The following ZNF605 variants were observed in gnomAD, a reference collection of about 807,000 sequenced individuals.
ZNF605 encodes zinc finger protein 605.
Under a neutral mutation model 7.9 loss-of-function variants are expected in ZNF605, and 9 were observed. That is an observed-to-expected ratio of 1.14 (90% CI 0.68 to 1.98). ZNF605 has a LOEUF of 1.98. ZNF605 is among the 30% of genes most tolerant of loss of function. ZNF605 has a pLI of 0.00. For missense variants in ZNF605, 673 were observed against 762.4 expected, an observed-to-expected ratio of 0.88 and a Z score of 1.38; for synonymous variants, 255 against 260.1, an observed-to-expected ratio of 0.98 and a Z score of 0.19.
In ZNF605 at chr12:132,918,611, T is replaced by G. The variant is rs1952178048; in HGVS notation, c.*6762A>C. ...CTCTTTTTTTGAGACGGAGTCTCAC[T>G]CTGTTGCTCAGGCTGGAGTGCAGTG... On this transcript the variant is annotated 3_prime_UTR_variant, in exon 5 of 5. Transcript: ENST00000360187. 6.6e-6 allele frequency: 1 copy of G among 152,306 alleles called. No individual in the cohort carries two copies. Among genetic ancestry groups the G allele is most frequent in the Non-Finnish European group, 1.5e-5 (1 of 68,100 alleles). The allele number at this position is 152,306 out of a possible 1,614,324, so 9.4% of individuals were successfully genotyped here.
At chr12:132,951,134 A>T (rs999160496) in intron 1 of ZNF605, among the ~76,000 whole-genome samples, 5 of 151,448 alleles carry the variant, frequency 3.3e-5, no homozygotes, top group African/African-American at 4.9e-5. Context: ...ACACAAGTAC[A>T]TCACGCATAC....
chr12:132,932,753 T>G (rs1464235792), intron 4 of ZNF605: 1 of 1,536,590 alleles, frequency 6.5e-7, no homozygotes, highest in East Asian at 2.4e-5. Flanking sequence ...CTATTATCCA[T>G]GGATCTTGTT....
At chr12:132,951,784 T>A (rs1952572764) in intron 1 of ZNF605, among the ~76,000 whole-genome samples, 1 of 151,572 alleles carries the variant, frequency 6.6e-6, no homozygotes, top group Admixed American at 6.6e-5. Flanking sequence ...ACACACACAT[T>A]GATACACATG....
chr12:132,956,028 G>A (rs1334083081), intron 1 of ZNF605, among the ~76,000 whole-genome samples: 3 of 11,024 alleles, frequency 2.7e-4, no homozygotes, highest in African/African-American at 1.1e-3. Context: ...TCCCACCCCC[G>A]CGCGCCCCCA....
chr12:132,951,077 A>G (rs1237982386), intron 1 of ZNF605, among the ~76,000 whole-genome samples: 1 of 151,904 alleles, frequency 6.6e-6, no homozygotes, highest in African/African-American at 2.4e-5. Flanking sequence ...ATGTACACAC[A>G]CTGATACGTA....
At position 132,925,429 on chromosome 12, in the gene ZNF605, T is replaced by C; in HGVS notation, c.1870A>G (p.Thr624Ala). ...DKYYGCNECGTTFNRKSQLMI... is the reference protein window; with the variant it reads ...DKYYGCNECGATFNRKSQLMI... Reference sequence around the variant, plus strand: ...AGCTGCGACTTCCTGTTGAAGGTGGTCCCACACTCATTGCATCCATAGTAT... The same window carrying C: ...AGCTGCGACTTCCTGTTGAAGGTGGCCCCACACTCATTGCATCCATAGTAT... The change falls in exon 5 of 5, where the codon ACC becomes GCC. Residue 624 changes from threonine (T) to alanine (A), a missense_variant. By Grantham distance (58) the Thr-to-Ala change is moderately conservative (BLOSUM62 0). Transcript: ENST00000360187. 6.2e-7 allele frequency: 1 copy of C among 1,613,368 alleles called. No homozygotes were observed. The highest frequency in any genetic ancestry group is 8.5e-7 in the Non-Finnish European group (1 of 1,179,438).
At chr12:132,932,715 G>C in intron 4 of ZNF605, 1 of 1,527,986 alleles carries the variant, frequency 6.5e-7, no homozygotes, top group South Asian at 1.2e-5. Context: ...TTCCTCACCT[G>C]AAAAGTTCTG....
At chr12:132,946,705 G>C (rs1350957539) in intron 2 of ZNF605, among the ~76,000 whole-genome samples, 2 of 152,214 alleles carry the variant, frequency 1.3e-5, no homozygotes, top group East Asian at 3.8e-4. Flanking sequence ...TTGCGGGAGT[G>C]GCAACTCACA....
rs1312621526 is a variant in ZNF605 at position 132,919,396 on chromosome 12, T to C, written c.*5977A>G. ...AGTAATGCCTTTTTTTTTTTTTTTT[T>C]TTTTTTTGAGATGGAGTCTCGCTTT... On this transcript the variant is annotated 3_prime_UTR_variant, in exon 5 of 5. Transcript: ENST00000360187. 1 of 146,872 alleles carries C rather than the reference T, an allele frequency of 6.8e-6. No homozygotes were observed. The highest frequency in any genetic ancestry group is 1.5e-5 in the Non-Finnish European group (1 of 67,322). 9.1% of individuals were successfully genotyped at this position (146,872 alleles called of 1,614,324 possible).
intron 3 of ZNF605, among the ~76,000 whole-genome samples, chr12:132,944,157 C>A (rs1952474636): frequency 6.6e-6 from 1 of 152,108 alleles, no homozygotes; most frequent in Admixed American, 6.6e-5. Flanking sequence ...AGGGTGGGCG[C>A]CTTCCTCCTC....
At chr12:132,939,793 C>T (rs959718718) in intron 3 of ZNF605, among the ~76,000 whole-genome samples, 6 of 152,286 alleles carry the variant, frequency 3.9e-5, no homozygotes, top group Admixed American at 2.6e-4. Context: ...TTTGGGTCCA[C>T]GCTGCTTTTA....
intron 3 of ZNF605, among the ~76,000 whole-genome samples, chr12:132,943,494 T>C (rs1952466916): frequency 6.6e-6 from 1 of 151,948 alleles, no homozygotes; most frequent in Non-Finnish European, 1.5e-5. Flanking sequence ...CACACTCTGG[T>C]CTTTGAGGGG....
At chr12:132,943,609 G>A (rs3912328) in intron 3 of ZNF605, among the ~76,000 whole-genome samples, 38,531 of 151,964 alleles carry the variant, frequency 0.25, 5,240 homozygotes, top group African/African-American at 0.36. Context: ...AGACCTCCTC[G>A]TTGGGGTGGG....
rs1952515043 is a variant in ZNF605, at chr12:132,948,273, G to A, written c.-285-3C>T. 6.6e-6 allele frequency: 1 copy of A among 152,202 alleles called. No individual in the cohort carries two copies. Among genetic ancestry groups the A allele is most frequent in the Non-Finnish European group, 1.5e-5 (1 of 68,050 alleles). The allele number at this position is 152,202 out of a possible 1,614,324, so 9.4% of individuals were successfully genotyped here. A position where few individuals can be genotyped will look rare whatever the true frequency, so the allele number is the denominator to read the frequency against. On this transcript the variant is annotated splice_region_variant and splice_polypyrimidine_tract_variant and intron_variant, in intron 1 of 4. Transcript: ENST00000360187. ...CTCTTTCCTTCATCAGAATGAGTCT[G>A]AAAAGAAATGTCCAAAAAAAGCTTC...
chr12:132,937,379 A>AAAAAAAAAAAAAAAAAAAAAAT (rs1952378932), intron 3 of ZNF605, among the ~76,000 whole-genome samples: 1 of 149,844 alleles, frequency 6.7e-6, no homozygotes, highest in Admixed American at 6.6e-5. Flanking sequence ...AAAAAAAAAA[A>AAAAAAAAAAAAAAAAAAAAAAT]AGAAAATGTA....
intron 4 of ZNF605, among the ~76,000 whole-genome samples, chr12:132,930,668 ATT>A (rs1952299223): frequency 6.6e-6 from 1 of 152,200 alleles, no homozygotes; most frequent in African/African-American, 2.4e-5. Context: ...ATGGTTTTAT[ATT>A]GTCTTCTAAA....
At chr12:132,954,565 T>C (rs1952615239) in intron 1 of ZNF605, among the ~76,000 whole-genome samples, 1 of 134,234 alleles carries the variant, frequency 7.4e-6, no homozygotes, top group Non-Finnish European at 1.6e-5. Context: ...CCCTCCCCTG[T>C]AACTGACATT....
chr12:132,949,009 T>C (rs1952527605), intron 1 of ZNF605, among the ~76,000 whole-genome samples: 1 of 151,874 alleles, frequency 6.6e-6, no homozygotes, highest in African/African-American at 2.4e-5. Context: ...CACGCCTGCT[T>C]GGTATCTGTT....
Position 132,948,183 on chromosome 12 carries a change from C to T in ZNF605, c.-198G>A, listed in dbSNP as rs1952513806. ...TCTTCACTGCCCATGGACCAGGCCA[C>T]TTAGATGAAGCCAGACACGGAATCA... On this transcript the variant is annotated 5_prime_UTR_variant, in exon 2 of 5. In the 5' UTR this introduces an upstream ATG that the reference lacks. Coordinates refer to ENST00000360187, the MANE Select transcript of ZNF605 (RefSeq NM_183238.4). 1 of 152,186 alleles carries T rather than the reference C, an allele frequency of 6.6e-6. No homozygotes were observed. Among genetic ancestry groups the T allele is most frequent in the African/African-American group, 2.4e-5 (1 of 41,430 alleles). 9.4% of individuals were successfully genotyped at this position (152,186 alleles called of 1,614,324 possible).
Sources: gnomAD v4.1 joint callset for allele counts (sites outside exome capture counted in the v4.1 genomes callset) on GRCh38, gnomAD v4.1.1 for gene constraint, MANE v1.5 for transcripts, NCBI Gene and HGNC (gene_info 2026-07-23, HGNC 2026-07-21) for gene names.